USP20: variants seen among roughly 807,000 people sequenced by gnomAD.
USP20 encodes ubiquitin specific peptidase 20, also known as ubiquitin carboxyl-terminal hydrolase 20.
In USP20, 80 loss-of-function variants were observed where a neutral mutation model predicts 124.2. That is an observed-to-expected ratio of 0.64 (90% confidence interval 0.54 to 0.78). USP20 has a LOEUF of 0.78. USP20 is among the 30% of genes least tolerant of loss of function. The pLI, the probability that USP20 is intolerant of heterozygous loss-of-function variation, is 0.00. For synonymous variants in USP20, 481 were observed against 512.3 expected, an observed-to-expected ratio of 0.94 and a Z score of 0.83; for missense variants, 1,043 against 1,244.4, an observed-to-expected ratio of 0.84 and a Z score of 2.44.
chr9:129,873,629 G>A lies in USP20; in HGVS notation c.1695-70G>A. The A allele has an allele frequency of 1.9e-6, 3 of 1,613,578 alleles. No individual in the cohort carries two copies. In the South Asian group the frequency reaches 3.3e-5, roughly 18 times the overall value. On this transcript the variant is annotated intron_variant, in intron 16 of 25. Coordinates refer to ENST00000372429, the MANE Select transcript of USP20 (RefSeq NM_001110303.4). Reference sequence around the variant, plus strand: ...TCCTGCCTTCCCAGAAGGGAGCCGGGTGGAGGGCTGCTTCCCTGGCCCCTG... The same window carrying A: ...TCCTGCCTTCCCAGAAGGGAGCCGGATGGAGGGCTGCTTCCCTGGCCCCTG...
At chr9:129,864,658 C>T (rs1291659201) in intron 9 of USP20, among the ~76,000 whole-genome samples, 1 of 151,564 alleles carries the variant, frequency 6.6e-6, no homozygotes, top group East Asian at 1.9e-4. Flanking sequence ...CCTGTATTCC[C>T]AGCACTTTGG....
In USP20 at chr9:129,868,854, GC is replaced by G; in HGVS notation, c.1136-3del. ...CCTGGCCCAGCATGGTACCCTCTCT[GC>G]CCCCAGAGCCGGACAATGATGCTCA... On this transcript the variant is annotated splice_polypyrimidine_tract_variant and splice_region_variant and intron_variant, in intron 11 of 25. Coordinates refer to ENST00000372429, the MANE Select transcript of USP20 (RefSeq NM_001110303.4). The G allele has an allele frequency of 1.3e-6, 2 of 1,546,206 alleles. No individual in the cohort carries two copies. The highest frequency in any genetic ancestry group is 1.2e-5 in the South Asian group (1 of 82,490).
chr9:129,846,192 G>A (rs1240990283), intron 1 of USP20, among the ~76,000 whole-genome samples: 1 of 143,540 alleles, frequency 7.0e-6, no homozygotes, highest in Admixed American at 7.2e-5. Context: ...GCCTCCCAAA[G>A]TGCTGGGGTT....
Position 129,879,650 on chromosome 9 carries a change from T to A in USP20, c.2584+6T>A, listed in dbSNP as rs761751263. The A allele has an allele frequency of 3.1e-6, 5 of 1,613,564 alleles. No homozygotes were observed. The South Asian group carries it at 4.4e-5, about 14-fold the overall frequency. On this transcript the variant is annotated splice_donor_region_variant and intron_variant, in intron 24 of 25. Coordinates refer to ENST00000372429, the MANE Select transcript of USP20 (RefSeq NM_001110303.4). The surrounding 1 kb of genome is among the most constrained non-coding windows in gnomAD (Gnocchi z 4.2). ...CCATGTCCAGCTGAAGCAGGGTGAG[T>A]TCCCCCTGGGGTCAGCCAGGCTCCT...
chr9:129,864,469 CAAA>C (rs575582320), intron 9 of USP20, among the ~76,000 whole-genome samples: 8 of 116,830 alleles, frequency 6.8e-5, no homozygotes, highest in Admixed American at 2.7e-4. Flanking sequence ...GACCCTGTCT[CAAA>C]AAAAAAAAAA....
rs761734926 is a variant in USP20 at position 129,879,569 on chromosome 9, G to A, written c.2513-4G>A. The A allele has an allele frequency of 6.2e-7, 1 of 1,613,438 alleles. No individual in the cohort carries two copies. Among genetic ancestry groups the A allele is most frequent in the Non-Finnish European group, 8.5e-7 (1 of 1,179,898 alleles). On this transcript the variant is annotated splice_polypyrimidine_tract_variant and splice_region_variant and intron_variant, in intron 23 of 25. Coordinates refer to ENST00000372429, the MANE Select transcript of USP20 (RefSeq NM_001110303.4). The surrounding 1 kb of genome is among the most constrained non-coding windows in gnomAD (Gnocchi z 4.2). ...TGAACCCGAGCCCGCTGTGTCTGTT[G>A]CAGAGCCCCCCGGGCCCATTGACAA...
rs201987960 is a variant in USP20 at position 129,880,297 on chromosome 9, G to A, written c.*16+8G>A. 30 of 1,557,842 alleles carry A rather than the reference G, an allele frequency of 1.9e-5. No individual in the cohort carries two copies. The African/African-American group carries it at 2.0e-4, about 11-fold the overall frequency. ...GATCTGCTGGGCTAGTCTGTAAGTC[G>A]CCCCGGCTGGTCCCTCCATGGCACT... On this transcript the variant is annotated splice_region_variant and intron_variant, in intron 25 of 25. Transcript: ENST00000372429.
intron 4 of USP20, 132 bp downstream of exon 4, chr9:129,856,492 G>C: frequency 9.2e-7 from 1 of 1,088,174 alleles, no homozygotes; most frequent in Non-Finnish European, 1.4e-6. Context: ...AGAAACCTTG[G>C]GCTGGGGCAC....
intron 4 of USP20, among the ~76,000 whole-genome samples, chr9:129,857,717 T>G (rs984542224): frequency 8.5e-5 from 13 of 152,106 alleles, no homozygotes; most frequent in South Asian, 2.1e-4. Context: ...CCACTTCACA[T>G]GGGGTTTTTG....
At chr9:129,878,684 G>A (rs1588293700) in intron 23 of USP20, among the ~76,000 whole-genome samples, 1 of 152,178 alleles carries the variant, frequency 6.6e-6, no homozygotes, top group African/African-American at 2.4e-5. Context: ...TCCCTGCCAT[G>A]CCCAGCAAGC....
chr9:129,840,895 C>T (rs1264939566), intron 1 of USP20, among the ~76,000 whole-genome samples: 6 of 152,006 alleles, frequency 3.9e-5, no homozygotes, highest in East Asian at 1.9e-4. Flanking sequence ...CTCAGCCTCC[C>T]GAGTAGCTGG....
intron 3 of USP20, among the ~76,000 whole-genome samples, chr9:129,853,572 C>T (rs117787445): frequency 0.025 from 3,845 of 152,322 alleles, 97 homozygotes; most frequent in Non-Finnish European, 0.031. Flanking sequence ...TGCTGGTCGC[C>T]TGGCCTCGCT....
chr9:129,865,213 A>G (rs2033763640), intron 9 of USP20, 90 bp from the exon 10 acceptor site: 2 of 1,417,060 alleles, frequency 1.4e-6, no homozygotes, highest in African/African-American at 2.8e-5. Context: ...CCACACTCTG[A>G]TCCAGCCTGA....
chr9:129,854,894 G>A (rs1349929076), intron 3 of USP20, among the ~76,000 whole-genome samples: 1 of 152,178 alleles, frequency 6.6e-6, no homozygotes, highest in Non-Finnish European at 1.5e-5. Flanking sequence ...TCTGGGTGTA[G>A]TGACAATGAG....
chr9:129,849,005 G>C (rs1293741055), intron 1 of USP20, among the ~76,000 whole-genome samples: 3 of 152,344 alleles, frequency 2.0e-5, no homozygotes, highest in African/African-American at 7.2e-5. Context: ...GATGAGCCCG[G>C]TTGTGCCTGC....
At chr9:129,871,806 T>C (rs1399795678) in intron 15 of USP20, among the ~76,000 whole-genome samples, 2 of 152,126 alleles carry the variant, frequency 1.3e-5, no homozygotes, top group African/African-American at 4.8e-5. Flanking sequence ...AACCTCCACC[T>C]CCTGGGTTTA....
intron 1 of USP20, among the ~76,000 whole-genome samples, chr9:129,837,505 T>A (rs184947854): frequency 2.0e-5 from 3 of 152,162 alleles, no homozygotes; most frequent in Admixed American, 2.0e-4. Context: ...ATGTATTTAT[T>A]GGATCAATGT....
chr9:129,876,310 G>C (rs1451017023), intron 22 of USP20, 72 bp downstream of exon 22: 2 of 1,333,484 alleles, frequency 1.5e-6, no homozygotes, highest in African/African-American at 2.9e-5. Flanking sequence ...CTTGGGGACA[G>C]AAGAATCCTG....
intron 23 of USP20, 106 bp downstream of exon 23, chr9:129,878,546 C>G (rs1163267339): frequency 2.9e-6 from 3 of 1,047,998 alleles, no homozygotes; most frequent in South Asian, 1.6e-5. Context: ...GGCCCCATGC[C>G]TGCCCCCAGG....
Sources: gnomAD v4.1 joint callset for allele counts (sites outside exome capture counted in the v4.1 genomes callset) on GRCh38, gnomAD v4.1.1 for gene constraint, Gnocchi (gnomAD v3.1) non-coding constraint, MANE v1.5 for transcripts, NCBI Gene and HGNC (gene_info 2026-07-23, HGNC 2026-07-21) for gene names.